VPS54: variants seen among roughly 807,000 people sequenced by gnomAD.
VPS54 encodes vacuolar protein sorting-associated protein 54.
VPS54 carries 45 observed loss-of-function variants against 121.5 expected under a neutral mutation model. That is an observed-to-expected ratio of 0.37 (90% CI 0.29 to 0.47). VPS54 has a LOEUF of 0.47. Ranked by LOEUF, VPS54 falls within the 20% of genes least tolerant of loss-of-function variation. VPS54 has a pLI of 0.99. For synonymous variants in VPS54, 371 were observed against 385.8 expected, an observed-to-expected ratio of 0.96 and a Z score of 0.45; for missense variants, 1,090 against 1,131.4, an observed-to-expected ratio of 0.96 and a Z score of 0.52.
intron 1 of VPS54, among the ~76,000 whole-genome samples, chr2:64,005,532 C>A (rs1678103933): frequency 6.6e-6 from 1 of 152,160 alleles, no homozygotes; most frequent in South Asian, 2.1e-4. Context: ...GGTGACAAAG[C>A]TACAGGTACT....
chr2:63,935,407 G>A (rs1674408613), intron 11 of VPS54, among the ~76,000 whole-genome samples: 1 of 151,802 alleles, frequency 6.6e-6, no homozygotes, highest in South Asian at 2.1e-4. Context: ...CTTCTGTATT[G>A]TCACAAATTT....
At chr2:63,919,194 T>C (rs1385421330) in intron 15 of VPS54, among the ~76,000 whole-genome samples, 17 of 152,102 alleles carry the variant, frequency 1.1e-4, no homozygotes, top group Non-Finnish European at 1.5e-5. Flanking sequence ...CAGCCATCTC[T>C]TCCACATGAA....
intron 16 of VPS54, among the ~76,000 whole-genome samples, chr2:63,915,482 G>A (rs1052547450): frequency 5.9e-5 from 9 of 152,182 alleles, no homozygotes; most frequent in African/African-American, 1.9e-4. Context: ...AAATGAGCAT[G>A]AGTCCATTGC....
rs1044329581 is a variant in VPS54, at chr2:64,014,972, T to C, written c.-21+3966A>G. 3.9e-4 allele frequency among the ~76,000 whole-genome samples: 60 copies of C among 152,064 alleles called. 1 individual carries two copies. The highest frequency in any genetic ancestry group is 2.6e-3 in the Admixed American group (40 of 15,268). The stretch of plus-strand genomic sequence containing the variant: ...TGGAGCTCATAGGGGAAAAAAAGAT[T>C]CATTATAAGCTTGGAATTTTTCTGG... On this transcript the variant is annotated intron_variant, in intron 1 of 22. Transcript: ENST00000272322.
At chr2:63,985,677 TTATA>T (rs1487659090) in intron 1 of VPS54, among the ~76,000 whole-genome samples, 125 of 112,676 alleles carry the variant, frequency 1.1e-3, no homozygotes, top group African/African-American at 4.4e-3. Flanking sequence ...AAGTGACAAA[TTATA>T]CACACACACA....
intron 16 of VPS54, among the ~76,000 whole-genome samples, chr2:63,916,192 T>TG (rs541302312): frequency 7.6e-4 from 116 of 152,284 alleles, no homozygotes; most frequent in Non-Finnish European, 1.2e-3. Context: ...ACAATGTAGT[T>TG]GTAAAGATCA....
Position 63,965,838 on chromosome 2 carries a change from T to C in VPS54, c.621A>G (p.Glu207=), listed in dbSNP as rs1309919948. The C allele has an allele frequency of 8.1e-6, 13 of 1,611,196 alleles. No homozygotes were observed. Among genetic ancestry groups the C allele is most frequent in the Non-Finnish European group, 1.1e-5 (13 of 1,179,366 alleles). Residue 207 remains glutamate (E), a synonymous_variant, in exon 6 of 23, where the codon GAA becomes GAG. Transcript: ENST00000272322. The part of the protein sequence containing the change: ...RDAASSKLLQ[E]KLSHYLDIVE... ...GAAAAAGTCAAAAAGAAATTACCTT[T>C]TCTTGAAGCAACTTTGAGGAAGCTG...
Position 63,931,570 on chromosome 2 carries a change from A to G in VPS54, c.1739+2103T>C, listed in dbSNP as rs1674204545. Among the ~76,000 whole-genome samples, 3 of 152,390 alleles carry G rather than the reference A, an allele frequency of 2.0e-5. No individual in the cohort carries two copies. In the South Asian group the frequency reaches 6.2e-4, roughly 32 times the overall value. On this transcript the variant is annotated intron_variant, in intron 12 of 22. Coordinates refer to ENST00000272322, the MANE Select transcript of VPS54 (RefSeq NM_016516.3). Reference sequence around the variant, plus strand: ...AAAACTCCTAGAAGAAAACCTGGGCAATACCATTCAGGACATAGGCATGGG... The same window carrying G: ...AAAACTCCTAGAAGAAAACCTGGGCGATACCATTCAGGACATAGGCATGGG...
intron 1 of VPS54, among the ~76,000 whole-genome samples, chr2:64,008,391 G>T (rs1678266686): frequency 6.7e-6 from 1 of 148,582 alleles, no homozygotes; most frequent in African/African-American, 2.5e-5. Context: ...TCCAGCCTGG[G>T]TGACAGAGCG....
chr2:63,913,930 C>G, intron 17 of VPS54: 1 of 1,272,720 alleles, frequency 7.9e-7, no homozygotes, highest in Non-Finnish European at 9.9e-7. Context: ...CAGCACCTAA[C>G]GAACAAATCA....
intron 2 of VPS54, among the ~76,000 whole-genome samples, chr2:63,983,606 C>A (rs1676900669): frequency 6.6e-6 from 1 of 151,662 alleles, no homozygotes. Context: ...CCACACCCGG[C>A]TAATTTTTTG....
rs375647058 is a variant in VPS54, at chr2:63,920,496, T to C, written c.2001A>G (p.Gln667=). ...STSLLGALQS[Q]AIKFVNRFHE... is the part of the protein sequence containing the mutation. ...GAAACCTATTTACAAACTTAATAGC[T>C]TGGCTCTGAAGTGCTCCAAGTAATG... is the stretch of plus-strand genomic sequence containing the variant. The change falls in exon 14 of 23, where the codon CAA becomes CAG. Residue 667 remains glutamine (Q), a synonymous_variant. Transcript: ENST00000272322. The C allele has an allele frequency of 6.9e-5, 108 of 1,572,432 alleles. No individual in the cohort carries two copies. Among genetic ancestry groups the C allele is most frequent in the Non-Finnish European group, 9.0e-5 (104 of 1,160,148 alleles).
chr2:63,934,493 G>C (rs1559003335), intron 11 of VPS54, among the ~76,000 whole-genome samples: 1 of 151,952 alleles, frequency 6.6e-6, no homozygotes, highest in Non-Finnish European at 1.5e-5. Context: ...CCTCATTCCA[G>C]GATTGTTCCC....
chr2:64,012,431 C>T (rs78751066), intron 1 of VPS54, among the ~76,000 whole-genome samples: 3,979 of 140,888 alleles, frequency 0.028, 182 homozygotes, highest in African/African-American at 0.1. Flanking sequence ...CTTCCAACAA[C>T]GCAAGGCTCA....
chr2:63,957,440 T>TAAA (rs1675554656), intron 7 of VPS54, among the ~76,000 whole-genome samples: 1 of 83,664 alleles, frequency 1.2e-5, no homozygotes, highest in Non-Finnish European at 2.4e-5. Flanking sequence ...AGACTCCATC[T>TAAA]CAAAAAAAAA....
intron 1 of VPS54, among the ~76,000 whole-genome samples, chr2:64,001,655 A>C (rs555042710): frequency 6.6e-6 from 1 of 152,098 alleles, no homozygotes; most frequent in East Asian, 2.0e-4. Context: ...TGTGTCTAGA[A>C]ATGTTATCCA....
intron 7 of VPS54, among the ~76,000 whole-genome samples, chr2:63,952,450 C>A (rs1316386582): frequency 6.6e-6 from 1 of 152,026 alleles, no homozygotes; most frequent in Non-Finnish European, 1.5e-5. Context: ...TAAACTATAT[C>A]CACACTACAT....
chr2:63,919,094 A>G (rs1673517000), intron 15 of VPS54, among the ~76,000 whole-genome samples: 2 of 152,108 alleles, frequency 1.3e-5, no homozygotes, highest in Non-Finnish European at 2.9e-5. Context: ...CAAGAATTTC[A>G]TAATTGTAAA....
In VPS54 at chr2:63,897,546, T is replaced by C. The variant is rs1219857169; in HGVS notation, c.2778A>G (p.Lys926=). The C allele has an allele frequency of 6.3e-7, 1 of 1,599,330 alleles. No homozygotes were observed. The highest frequency in any genetic ancestry group is 2.2e-5 in the East Asian group (1 of 44,504). ...TCACATTTAAGTGAGATAACTGCTT[T>C]TTCAAGTGGAGTTTATAACTTGCAT... ...RINASYKLHL[K]KQLSHLNVIN... Residue 926 remains lysine, a synonymous_variant, in exon 22 of 23, where the codon AAA becomes AAG. Coordinates refer to ENST00000272322, the MANE Select transcript of VPS54 (RefSeq NM_016516.3).
Sources: allele counts gnomAD v4.1 joint callset (sites outside exome capture counted in the v4.1 genomes callset), GRCh38; gene constraint gnomAD v4.1.1; transcripts MANE v1.5; gene names NCBI Gene and HGNC (gene_info 2026-07-23, HGNC 2026-07-21).